LMO7: variants seen among roughly 807,000 people sequenced by gnomAD.
LMO7 encodes LIM domain only protein 7.
LMO7 carries 120 observed loss-of-function variants against 206.5 expected under a neutral mutation model. That is an observed-to-expected ratio of 0.58 (90% CI 0.50 to 0.68). The LOEUF is 0.68. LMO7 is among the 30% of genes least tolerant of loss of function. LMO7 has a pLI of 0.00. For synonymous variants in LMO7, 706 were observed against 681.5 expected (o/e 1.04, Z -0.56); for missense variants, 1,959 against 1,957.9 (o/e 1.00, Z -0.01).
intron 1 of LMO7, among the ~76,000 whole-genome samples, chr13:75,664,835 CT>C (rs2038947541): frequency 2.0e-5 from 3 of 152,166 alleles, no homozygotes; most frequent in Non-Finnish European, 4.4e-5. Context: ...CCTTAATATG[CT>C]TGAACTTCTA....
chr13:75,815,330 T>C (rs1305911479), intron 11 of LMO7, among the ~76,000 whole-genome samples: 2 of 152,136 alleles, frequency 1.3e-5, no homozygotes, highest in Admixed American at 1.3e-4. Context: ...GTTCTAGATA[T>C]ATTTAGAAGG....
intron 4 of LMO7, 23 bp downstream of exon 4, chr13:75,761,061 AT>A: frequency 4.6e-6 from 1 of 217,294 alleles, no homozygotes; most frequent in Non-Finnish European, 5.8e-6. Flanking sequence ...AGTTTGTTAG[AT>A]ATATATATAT....
Position 75,858,044 on chromosome 13 carries a change from T to TC in LMO7, c.*101_*102insC, listed in dbSNP as rs1334953997. Reference sequence around the variant, plus strand: ...TGTTGTATGTCTTTTTTGCTTTTTTTTTAAAAAAAAGAATAACTTTTTTTG... The same window carrying TC: ...TGTTGTATGTCTTTTTTGCTTTTTTTCTTAAAAAAAAGAATAACTTTTTTTG... On this transcript the variant is annotated 3_prime_UTR_variant, in exon 31 of 31. Transcript: ENST00000377534. The TC allele has an allele frequency of 1.4e-6, 2 of 1,449,174 alleles. No individual in the cohort carries two copies. The highest frequency in any genetic ancestry group is 1.4e-5 in the African/African-American group (1 of 69,058). 89.8% of individuals were successfully genotyped at this position (1,449,174 alleles called of 1,614,324 possible).
intron 1 of LMO7, among the ~76,000 whole-genome samples, chr13:75,697,171 G>A (rs947190542): frequency 4.7e-4 from 72 of 152,236 alleles, no homozygotes; most frequent in African/African-American, 1.7e-3. Context: ...CTGGAAGGAG[G>A]TCGGGTGACT....
intron 4 of LMO7, among the ~76,000 whole-genome samples, chr13:75,792,228 A>G (rs1215191414): frequency 6.6e-6 from 1 of 152,152 alleles, no homozygotes; most frequent in Non-Finnish European, 1.5e-5. Context: ...TTGGTGTTCC[A>G]AAGTGCTGGG....
chr13:75,827,296 A>G (rs1434149214), intron 15 of LMO7, among the ~76,000 whole-genome samples: 6 of 152,174 alleles, frequency 3.9e-5, no homozygotes, highest in African/African-American at 1.4e-4. Flanking sequence ...GGGCTGTTTT[A>G]GGAATGTAAG....
At chr13:75,625,616 T>A (rs2033949916) in intron 2 of LMO7, among the ~76,000 whole-genome samples, 1 of 152,230 alleles carries the variant, frequency 6.6e-6, no homozygotes, top group African/African-American at 2.4e-5. Flanking sequence ...TTTTGGAATT[T>A]CAGTTACGTG....
At chr13:75,633,121 C>G (rs566938234), upstream of LMO7, among the ~76,000 whole-genome samples, 2 of 152,176 alleles carry the variant, frequency 1.3e-5, no homozygotes, top group South Asian at 4.1e-4. Context: ...CCTCGGCCTC[C>G]CAAAGCGCTG....
chr13:75,709,408 C>A (rs2042905197), intron 1 of LMO7, among the ~76,000 whole-genome samples: 1 of 151,918 alleles, frequency 6.6e-6, no homozygotes, highest in East Asian at 1.9e-4. Context: ...GTTTACAGTC[C>A]CACCACCAGT....
chr13:75,717,481 C>T (rs1405008071), intron 2 of LMO7, among the ~76,000 whole-genome samples: 1 of 151,706 alleles, frequency 6.6e-6, no homozygotes, highest in Non-Finnish European at 1.5e-5. Context: ...TCACCCCTAT[C>T]GGTGTTCCTA....
chr13:75,809,135 T>C lies in LMO7; in HGVS notation c.1917-19T>C, dbSNP rs372892370. ...CTGGGAAAAATGACTTTTTAATTTT[T>C]GGTTTTCTGGTTTCTTAGACTCTTT... On this transcript the variant is annotated intron_variant, in intron 10 of 30. Transcript: ENST00000377534. 7 of 1,600,788 alleles carry C rather than the reference T, an allele frequency of 4.4e-6. No individual in the cohort carries two copies. Among genetic ancestry groups the C allele is most frequent in the Non-Finnish European group, 5.1e-6 (6 of 1,168,282 alleles).
intron 3 of LMO7, among the ~76,000 whole-genome samples, chr13:75,733,899 G>A (rs935962926): frequency 6.6e-6 from 1 of 152,186 alleles, no homozygotes; most frequent in South Asian, 2.1e-4. Flanking sequence ...CTGAAGCTCA[G>A]CCCTGTGTGC....
At chr13:75,669,621 A>C (rs960253907) in intron 1 of LMO7, among the ~76,000 whole-genome samples, 2 of 152,318 alleles carry the variant, frequency 1.3e-5, no homozygotes, top group Non-Finnish European at 2.9e-5. Flanking sequence ...CATCTGTTGC[A>C]GGCCACTTGA....
At chr13:75,637,315 T>C (rs1371308002) in intron 1 of LMO7, among the ~76,000 whole-genome samples, 1 of 152,172 alleles carries the variant, frequency 6.6e-6, no homozygotes, top group East Asian at 1.9e-4. Flanking sequence ...TTTTTCATTT[T>C]CGGCTTTGAT....
At chr13:75,676,943 T>A (rs1399701266) in intron 1 of LMO7, among the ~76,000 whole-genome samples, 1 of 152,232 alleles carries the variant, frequency 6.6e-6, no homozygotes, top group Non-Finnish European at 1.5e-5. Flanking sequence ...GCTTTTAATA[T>A]AAAAGCTATG....
chr13:75,826,845 A>G (rs529172135), intron 15 of LMO7, among the ~76,000 whole-genome samples: 2 of 152,238 alleles, frequency 1.3e-5, no homozygotes, highest in South Asian at 4.2e-4. Context: ...CTATCATGCT[A>G]TGTCCTGGGA....
chr13:75,688,379 A>T (rs1269699332), intron 1 of LMO7, among the ~76,000 whole-genome samples: 3 of 152,214 alleles, frequency 2.0e-5, no homozygotes, highest in Non-Finnish European at 4.4e-5. Flanking sequence ...CATTTCATTC[A>T]CTTCACTGGG....
At chr13:75,686,093 G>C (rs1415233496) in intron 1 of LMO7, among the ~76,000 whole-genome samples, 3 of 151,748 alleles carry the variant, frequency 2.0e-5, no homozygotes, top group Non-Finnish European at 4.4e-5. Context: ...TGTCCAGGGT[G>C]GTTTTGAACT....
rs377462449 is a variant in LMO7 at position 75,723,326 on chromosome 13, C to T, written c.141-3703C>T. ...ATGTATATTTAGAAAATGTATGTGA[C>T]AGAAAGATATTAGAAATATTCATGT... On this transcript the variant is annotated intron_variant, in intron 2 of 30. Coordinates refer to ENST00000377534, the MANE Select transcript of LMO7 (RefSeq NM_001306080.2). Among the ~76,000 whole-genome samples the T allele has an allele frequency of 3.0e-4, 46 of 151,868 alleles. No homozygotes were observed. In the East Asian group the frequency reaches 4.6e-3, roughly 15 times the overall value.
Sources: gnomAD v4.1 joint callset for allele counts (sites outside exome capture counted in the v4.1 genomes callset) on GRCh38, gnomAD v4.1.1 for gene constraint, MANE v1.5 for transcripts, NCBI Gene and HGNC (gene_info 2026-07-23, HGNC 2026-07-21) for gene names.